Variants in KIF26B observed in about 807,000 individuals in gnomAD.
KIF26B encodes kinesin-like protein KIF26B.
In KIF26B, 63 loss-of-function variants were observed where a neutral mutation model predicts 151.2. That is an observed-to-expected ratio of 0.42 (90% CI 0.34 to 0.51). The LOEUF is 0.51. Among genes scored for constraint, KIF26B ranks in the 20% least tolerant of loss-of-function variants. The pLI is 0.07. For missense variants in KIF26B, 2,813 were observed against 2,913.6 expected (o/e 0.97, Z 0.79); for synonymous variants, 1,357 against 1,262.1 (o/e 1.08, Z -1.59).
In KIF26B at chr1:245,646,217, C is replaced by T. The variant is rs201238342; in HGVS notation, c.2195C>T (p.Ser732Leu). 5.0e-6 allele frequency: 8 copies of T among 1,613,950 alleles called. No homozygotes were observed. The highest frequency in any genetic ancestry group is 2.2e-5 in the East Asian group (1 of 44,882). The stretch of plus-strand genomic sequence containing the variant: ...GAAGGAGGCTCAGGGCTGTGTCTCT[C>T]GCTGTCTGCTCTGGGCAATGTCATC... ...NREGGSGLCL[S>L]LSALGNVILA... The change falls in exon 10 of 15, where the codon TCG (serine) becomes TTG (leucine). Residue 732 changes from serine (S) to leucine (L), a missense_variant. This residue lies in a region of KIF26B where 2,060 missense variants were observed against 2,088.6 expected (regional missense o/e 0.99). Transcript: ENST00000407071.
chr1:245,398,075 G>C (rs1266951839), intron 3 of KIF26B, among the ~76,000 whole-genome samples: 1 of 152,190 alleles, frequency 6.6e-6, no homozygotes, highest in Non-Finnish European at 1.5e-5. Flanking sequence ...AGGGCTGAAT[G>C]AATACCCTGA....
chr1:245,235,647 T>C (rs1158248401), intron 2 of KIF26B, among the ~76,000 whole-genome samples: 1 of 151,118 alleles, frequency 6.6e-6, no homozygotes, highest in Non-Finnish European at 1.5e-5. Flanking sequence ...AAGGAAGGGT[T>C]CAGAATATAG....
intron 5 of KIF26B, among the ~76,000 whole-genome samples, chr1:245,550,760 C>T (rs1365678590): frequency 1.3e-5 from 2 of 152,204 alleles, no homozygotes; most frequent in Non-Finnish European, 2.9e-5. Flanking sequence ...AAACTCCTCA[C>T]TCACTGACTG....
rs190145335 is a variant in KIF26B at position 245,583,388 on chromosome 1, C to G, written c.1351-19189C>G. 3.3e-5 allele frequency among the ~76,000 whole-genome samples: 5 copies of G among 152,216 alleles called. No homozygotes were observed. In the East Asian group the frequency reaches 9.7e-4, roughly 29 times the overall value. ...AGTTTTTCACTGGAGCCTGAAACTT[C>G]CAGATTTGAAACCATCTCCGGGGCC... is the stretch of plus-strand genomic sequence containing the variant. On this transcript the variant is annotated intron_variant, in intron 5 of 14. Coordinates refer to ENST00000407071, the MANE Select transcript of KIF26B (RefSeq NM_018012.4).
At chr1:245,379,737 G>A (rs1416000271) in intron 3 of KIF26B, among the ~76,000 whole-genome samples, 1 of 151,948 alleles carries the variant, frequency 6.6e-6, no homozygotes, top group Non-Finnish European at 1.5e-5. Context: ...TTGGGAGGCC[G>A]AGACAGGTGG....
At chr1:245,195,125 A>G (rs1027343197) in intron 2 of KIF26B, among the ~76,000 whole-genome samples, 9 of 152,200 alleles carry the variant, frequency 5.9e-5, no homozygotes, top group Admixed American at 5.2e-4. Context: ...CACATCCTTC[A>G]GAAAGCCACC....
chr1:245,685,028 C>T (rs2044491263), intron 11 of KIF26B, among the ~76,000 whole-genome samples: 1 of 151,680 alleles, frequency 6.6e-6, no homozygotes, highest in Admixed American at 6.7e-5. Flanking sequence ...AGGTGGGGGC[C>T]TTTTTCCCCC....
chr1:245,340,633 C>T (rs116110402), intron 2 of KIF26B, among the ~76,000 whole-genome samples: 1,841 of 152,168 alleles, frequency 0.012, 44 homozygotes, highest in African/African-American at 0.043. Flanking sequence ...GCACCATGTA[C>T]CAGGCCCTGA....
chr1:245,679,457 G>GTT (rs35663208), intron 10 of KIF26B, among the ~76,000 whole-genome samples: 846 of 59,192 alleles, frequency 0.014, 105 homozygotes, highest in African/African-American at 0.029. Context: ...TTTTGTGTGT[G>GTT]TTTTTTTTTT....
At chr1:245,347,435 A>G (rs972999326) in intron 2 of KIF26B, among the ~76,000 whole-genome samples, 2 of 151,672 alleles carry the variant, frequency 1.3e-5, no homozygotes, top group Admixed American at 1.3e-4. Flanking sequence ...ATCCTCCTTC[A>G]TCAGCCTCCA....
At chr1:245,410,520 C>T (rs1281312067) in intron 3 of KIF26B, among the ~76,000 whole-genome samples, 1 of 152,172 alleles carries the variant, frequency 6.6e-6, no homozygotes, top group African/African-American at 2.4e-5. Flanking sequence ...ACAATCATAG[C>T]TCACTGTAGC....
chr1:245,260,499 G>A (rs568065854), intron 2 of KIF26B, among the ~76,000 whole-genome samples: 1 of 152,278 alleles, frequency 6.6e-6, no homozygotes, highest in Admixed American at 6.5e-5. Context: ...GAAGGAATAA[G>A]CAATAAGTAT....
Position 245,419,569 on chromosome 1 carries a change from T to C in KIF26B, c.1000-10T>C. ...CAGGTAATGAGCTCCGTATCCATTTTCTTTGTCAGATCTCCCAGCTGATGA... is the reference window on the plus strand; with the variant it reads ...CAGGTAATGAGCTCCGTATCCATTTCCTTTGTCAGATCTCCCAGCTGATGA... On this transcript the variant is annotated splice_polypyrimidine_tract_variant and intron_variant, in intron 3 of 14. Coordinates refer to ENST00000407071, the MANE Select transcript of KIF26B (RefSeq NM_018012.4). 1.2e-6 allele frequency: 2 copies of C among 1,604,952 alleles called. No individual in the cohort carries two copies. Among genetic ancestry groups the C allele is most frequent in the Non-Finnish European group, 1.7e-6 (2 of 1,174,656 alleles).
intron 9 of KIF26B, among the ~76,000 whole-genome samples, chr1:245,617,404 C>T (rs2043602318): frequency 6.6e-6 from 1 of 152,194 alleles, no homozygotes; most frequent in Non-Finnish European, 1.5e-5. Context: ...TTTCTTTTGA[C>T]AATGCAAATG....
chr1:245,611,781 T>G lies in KIF26B; in HGVS notation c.1915-12T>G. On this transcript the variant is annotated splice_polypyrimidine_tract_variant and intron_variant, in intron 8 of 14. Coordinates refer to ENST00000407071, the MANE Select transcript of KIF26B (RefSeq NM_018012.4). ...CAGCCTGCAGCCTCATCTCTTGGCT[T>G]CTGTCTTCCAGCTGCAGAACCAGAG... The G allele has an allele frequency of 6.2e-7, 1 of 1,612,356 alleles. No homozygotes were observed. Among genetic ancestry groups the G allele is most frequent in the South Asian group, 1.1e-5 (1 of 90,766 alleles).
intron 3 of KIF26B, among the ~76,000 whole-genome samples, chr1:245,373,541 T>C (rs1488668806): frequency 1.3e-5 from 2 of 152,220 alleles, no homozygotes; most frequent in African/African-American, 2.4e-5. Flanking sequence ...AATAAATCCA[T>C]AGTGGACCGT....
intron 5 of KIF26B, among the ~76,000 whole-genome samples, chr1:245,594,723 G>A (rs995277143): frequency 6.6e-6 from 1 of 152,114 alleles, no homozygotes; most frequent in African/African-American, 2.4e-5. Context: ...TGGTAGCTTG[G>A]TGGGAATAGC....
intron 4 of KIF26B, among the ~76,000 whole-genome samples, chr1:245,427,458 A>G (rs565069759): frequency 6.6e-6 from 1 of 152,234 alleles, no homozygotes; most frequent in African/African-American, 2.4e-5. Context: ...AAAATACAAA[A>G]TTAGCCAGGC....
chr1:245,382,533 T>TTGTGTGTGTG (rs71563746), intron 3 of KIF26B, among the ~76,000 whole-genome samples: 2 of 150,002 alleles, frequency 1.3e-5, no homozygotes, highest in African/African-American at 4.9e-5. Flanking sequence ...AAGCACAGGT[T>TTGTGTGTGTG]TGTGTGTGTG....
Sources: allele counts gnomAD v4.1 joint callset (sites outside exome capture counted in the v4.1 genomes callset), GRCh38; gene constraint gnomAD v4.1.1; regional missense constraint gnomAD v4.1.1; transcripts MANE v1.5; gene names NCBI Gene and HGNC (gene_info 2026-07-23, HGNC 2026-07-21).